CADPS: variants seen among roughly 807,000 people sequenced by gnomAD.
CADPS encodes the protein calcium dependent secretion activator.
A neutral mutation model predicts 167.3 loss-of-function variants in CADPS; 57 were observed. That is an observed-to-expected ratio of 0.34 (90% CI 0.28 to 0.42). The LOEUF (loss-of-function observed/expected upper bound fraction) is 0.42. Among genes scored for constraint, CADPS ranks in the 20% least tolerant of loss-of-function variants. The pLI, the probability that CADPS is intolerant of heterozygous loss-of-function variation, is 1.00. For missense variants in CADPS, 1,414 were observed against 1,738.1 expected (o/e 0.81, Z 3.32); for synonymous variants, 676 against 635.3 (o/e 1.06, Z -0.96).
At position 62,536,916 on chromosome 3, in the gene CADPS, T is replaced by G. The variant is rs535475851; in HGVS notation, c.1967-335A>C. Among the ~76,000 whole-genome samples the G allele has an allele frequency of 2.0e-5, 3 of 152,318 alleles. No individual in the cohort carries two copies. The East Asian group carries it at 5.8e-4, about 29-fold the overall frequency. ...AAACACTGAAAGCAGATCGGATCTTTGCTTAAGATAGCCTATTTAGCTTTG... is the reference window on the plus strand; with the variant it reads ...AAACACTGAAAGCAGATCGGATCTTGGCTTAAGATAGCCTATTTAGCTTTG... On this transcript the variant is annotated intron_variant, in intron 11 of 29. Coordinates refer to ENST00000383710, the MANE Select transcript of CADPS (RefSeq NM_003716.4).
chr3:62,640,401 G>T (rs373883990), intron 6 of CADPS, among the ~76,000 whole-genome samples: 17 of 152,200 alleles, frequency 1.1e-4, no homozygotes, highest in Middle Eastern at 3.4e-3. Context: ...AATAATTTGG[G>T]TATAATAAGC....
chr3:62,659,986 A>G (rs1048557219), intron 4 of CADPS, among the ~76,000 whole-genome samples: 3 of 152,144 alleles, frequency 2.0e-5, no homozygotes, highest in Admixed American at 1.3e-4. Context: ...TTAATTGCCT[A>G]CTTCATTGTC....
At chr3:62,649,601 C>T (rs1371005312) in intron 5 of CADPS, among the ~76,000 whole-genome samples, 1 of 124,976 alleles carries the variant, frequency 8.0e-6, no homozygotes, top group African/African-American at 3.1e-5. Context: ...CTCTTTGTCA[C>T]CCAGGCTGGA....
chr3:62,448,707 G>A (rs997214823), intron 26 of CADPS, among the ~76,000 whole-genome samples: 3 of 151,960 alleles, frequency 2.0e-5, no homozygotes, highest in Non-Finnish European at 4.4e-5. Flanking sequence ...TCTGCCTCCC[G>A]AGTTGAAGCA....
rs138933752 is a variant in CADPS, at chr3:62,544,656, T to C, written c.1966+5247A>G. ...GAAAGCCAAGGAGAGGAGGCAATTA[T>C]GCACACATCACATGCATCCTAGTTT... is the stretch of plus-strand genomic sequence containing the variant. On this transcript the variant is annotated intron_variant, in intron 11 of 29. Coordinates refer to ENST00000383710, the MANE Select transcript of CADPS (RefSeq NM_003716.4). The surrounding 1 kb of genome is among the most constrained non-coding windows in gnomAD (Gnocchi z 4.4). 3.1e-4 allele frequency among the ~76,000 whole-genome samples: 47 copies of C among 152,298 alleles called. No individual in the cohort carries two copies. The highest frequency in any genetic ancestry group is 5.2e-4 in the Admixed American group (8 of 15,290).
At chr3:62,763,864 T>C (rs1278794171) in intron 2 of CADPS, among the ~76,000 whole-genome samples, 2 of 152,210 alleles carry the variant, frequency 1.3e-5, no homozygotes, top group East Asian at 1.9e-4. Flanking sequence ...TTCAGTAATT[T>C]CTCAATGCCT....
At chr3:62,645,607 G>A (rs969643362) in intron 6 of CADPS, 115 bp downstream of exon 6, 8 of 1,122,512 alleles carry the variant, frequency 7.1e-6, no homozygotes, top group Non-Finnish European at 1.0e-5. Flanking sequence ...AAATAAACAA[G>A]GTTTATGTCT....
chr3:62,835,737 G>A (rs553269780), intron 1 of CADPS, among the ~76,000 whole-genome samples: 110 of 152,264 alleles, frequency 7.2e-4, no homozygotes, highest in Non-Finnish European at 1.1e-3. Flanking sequence ...ATACTGTGAT[G>A]TTTCTTAAGA....
intron 1 of CADPS, among the ~76,000 whole-genome samples, chr3:62,767,369 C>T (rs1052094352): frequency 4.6e-5 from 7 of 152,096 alleles, no homozygotes; most frequent in Admixed American, 1.3e-4. Flanking sequence ...AATTTTATCT[C>T]GTCCTTAGTT....
intron 9 of CADPS, 109 bp downstream of exon 9, chr3:62,570,763 C>T (rs1408897663): frequency 2.6e-6 from 2 of 772,714 alleles, no homozygotes; most frequent in African/African-American, 3.5e-5. Context: ...ATTCATTAAG[C>T]TAAATGCATG....
intron 3 of CADPS, among the ~76,000 whole-genome samples, chr3:62,739,407 CAT>C (rs1313237712): frequency 1.3e-5 from 2 of 152,156 alleles, no homozygotes; most frequent in Non-Finnish European, 2.9e-5. Context: ...AGCAATAACA[CAT>C]GTTTCTTGTT....
chr3:62,798,518 C>A (rs1339699983), intron 1 of CADPS, among the ~76,000 whole-genome samples: 3 of 152,080 alleles, frequency 2.0e-5, no homozygotes, highest in Non-Finnish European at 4.4e-5. Context: ...TTGCAGATGG[C>A]CTATTGTAGG....
intron 6 of CADPS, among the ~76,000 whole-genome samples, chr3:62,593,280 G>C (rs766039824): frequency 1.3e-5 from 2 of 152,198 alleles, no homozygotes; most frequent in African/African-American, 2.4e-5. Flanking sequence ...AGGTCAAAGA[G>C]AGATTGGAAG....
At chr3:62,746,252 CA>C (rs766438771) in intron 3 of CADPS, among the ~76,000 whole-genome samples, 6 of 152,128 alleles carry the variant, frequency 3.9e-5, no homozygotes, top group Non-Finnish European at 7.4e-5. Flanking sequence ...GGAGATTTTA[CA>C]GATGTAAAAT....
At chr3:62,773,394 C>G (rs555624801) in intron 1 of CADPS, among the ~76,000 whole-genome samples, 6 of 151,936 alleles carry the variant, frequency 3.9e-5, no homozygotes, top group African/African-American at 1.5e-4. Context: ...AAGAAAAAAT[C>G]TGACAGACTT....
In CADPS at chr3:62,527,005, G is replaced by A. The variant is rs75815174; in HGVS notation, c.2291+5866C>T. 7.0e-3 allele frequency among the ~76,000 whole-genome samples: 1,070 copies of A among 152,150 alleles called. 18 individuals are homozygous for A. Among genetic ancestry groups the A allele is most frequent in the African/African-American group, 0.024 (1,005 of 41,522 alleles). On this transcript the variant is annotated intron_variant, in intron 13 of 29. Coordinates refer to ENST00000383710, the MANE Select transcript of CADPS (RefSeq NM_003716.4). ...ATGCTTTAGATTCATGGTTGAGAGG[G>A]GTGCTTAGTAAAAGTGCAGATTCCC...
intron 1 of CADPS, among the ~76,000 whole-genome samples, chr3:62,824,930 G>A (rs1019730372): frequency 2.0e-5 from 3 of 151,974 alleles, no homozygotes; most frequent in African/African-American, 4.8e-5. Flanking sequence ...AAAATATTAC[G>A]TGTCAGAGAT....
intron 11 of CADPS, among the ~76,000 whole-genome samples, chr3:62,541,298 T>C (rs1206197899): frequency 5.3e-5 from 8 of 152,198 alleles, no homozygotes; most frequent in Admixed American, 5.2e-4. Flanking sequence ...TATGATTTTA[T>C]AGGCTCTGCA....
chr3:62,635,933 C>G (rs1341453727), intron 6 of CADPS, among the ~76,000 whole-genome samples: 1 of 151,958 alleles, frequency 6.6e-6, no homozygotes, highest in Non-Finnish European at 1.5e-5. Flanking sequence ...TTTCCAAGTA[C>G]AAGTAAGGGA....
Sources: allele counts gnomAD v4.1 joint callset (sites outside exome capture counted in the v4.1 genomes callset), GRCh38; gene constraint gnomAD v4.1.1; non-coding constraint Gnocchi (gnomAD v3.1); transcripts MANE v1.5; gene names NCBI Gene and HGNC (gene_info 2026-07-23, HGNC 2026-07-21).